SIDT2: variants seen among roughly 807,000 people sequenced by gnomAD.
The protein encoded by SIDT2 is SID1 transmembrane family member 2.
SIDT2 carries 68 observed loss-of-function variants against 114.4 expected under a neutral mutation model. That is an observed-to-expected ratio of 0.59 (90% CI 0.49 to 0.73). The LOEUF is 0.73. Among genes scored for constraint, SIDT2 ranks in the 30% least tolerant of loss-of-function variants. The pLI is 0.00. For missense variants in SIDT2, 918 were observed against 1,097.1 expected, an observed-to-expected ratio of 0.84 and a Z score of 2.31; for synonymous variants, 470 against 438.4, an observed-to-expected ratio of 1.07 and a Z score of -0.90.
intron 6 of SIDT2, among the ~76,000 whole-genome samples, chr11:117,183,109 C>T (rs577550931): frequency 4.6e-5 from 7 of 151,986 alleles, no homozygotes; most frequent in Non-Finnish European, 7.4e-5. Context: ...TTTGGGAGGC[C>T]GAGGTGGGCG....
intron 13 of SIDT2, 57 bp from the exon 14 acceptor site, chr11:117,189,112 G>A: frequency 3.2e-6 from 5 of 1,562,704 alleles, no homozygotes; most frequent in Non-Finnish European, 4.4e-6. Flanking sequence ...CTCTAACCTG[G>A]GGGAGGGGGC....
chr11:117,189,959 A>G lies in SIDT2; in HGVS notation c.1427A>G (p.Asn476Ser). 6.2e-7 allele frequency: 1 copy of G among 1,614,138 alleles called. No homozygotes were observed. The highest frequency in any genetic ancestry group is 8.5e-7 in the Non-Finnish European group (1 of 1,180,000). The change falls in exon 16 of 26, where the codon AAT (asparagine) becomes AGT (serine). Residue 476 changes from asparagine (N) to serine (S), a missense_variant. Asn to Ser is a conservative substitution (Grantham distance 46). Coordinates refer to ENST00000324225, the MANE Select transcript of SIDT2 (RefSeq NM_001040455.2). ...TCCCTGCTCCTGCTACAGGTGGTGA[A>G]TGTCACAGGGAATCAGGACATCTGC... ...QLVITYQTVV[N>S]VTGNQDICYY...
chr11:117,182,599 C>T lies in SIDT2; in HGVS notation c.597C>T (p.Val199=). 6.2e-7 allele frequency: 1 copy of T among 1,614,230 alleles called. No individual in the cohort carries two copies. ...CCAACAAGGCCTTCCCCTGCTCAGTCATCTCCATTCAGGATGTGCTGGTGA... is the reference window on the plus strand; with the variant it reads ...CCAACAAGGCCTTCCCCTGCTCAGTTATCTCCATTCAGGATGTGCTGGTGA... The part of the protein sequence containing the change: ...VTSNKAFPCS[V]ISIQDVLCPV... The change falls in exon 5 of 26, where the codon GTC becomes GTT. Residue 199 remains valine (V), a synonymous_variant. Coordinates refer to ENST00000324225, the MANE Select transcript of SIDT2 (RefSeq NM_001040455.2).
intron 4 of SIDT2, 51 bp downstream of exon 4, chr11:117,182,156 A>T (rs2030314022): frequency 6.2e-7 from 1 of 1,604,266 alleles, no homozygotes; most frequent in Non-Finnish European, 8.5e-7. Flanking sequence ...GAGCTTGAAT[A>T]TGAGAATGGG....
Position 117,192,395 on chromosome 11 carries a change from G to A in SIDT2, c.1981+33G>A, listed in dbSNP as rs933480133. ...CACGCCCGGGGCAGGGCCTGGGGGA[G>A]GGGTCTGGGGGGCCTTGGGAACCCG... On this transcript the variant is annotated intron_variant, in intron 20 of 25. Coordinates refer to ENST00000324225, the MANE Select transcript of SIDT2 (RefSeq NM_001040455.2). The surrounding 1 kb of genome is among the most constrained non-coding windows in gnomAD (Gnocchi z 5.9). 4.8e-6 allele frequency: 7 copies of A among 1,456,968 alleles called. No individual in the cohort carries two copies. The highest frequency in any genetic ancestry group is 6.7e-6 in the Non-Finnish European group (7 of 1,040,274). The allele number at this position is 1,456,968 out of a possible 1,614,324, so 90.3% of individuals were successfully genotyped here. A position where few individuals can be genotyped will look rare whatever the true frequency, so the allele number is the denominator to read the frequency against.
chr11:117,181,375 G>A (rs1228041955), intron 1 of SIDT2, 41 bp from the exon 2 acceptor site: 2 of 1,611,040 alleles, frequency 1.2e-6, no homozygotes, highest in African/African-American at 1.3e-5. Context: ...ACGTGTCCCT[G>A]GTGGCAGAGG....
chr11:117,180,621 C>CT (rs1181978013), intron 1 of SIDT2, among the ~76,000 whole-genome samples: 2 of 150,514 alleles, frequency 1.3e-5, no homozygotes, highest in African/African-American at 2.5e-5. Context: ...CTGCAACCTC[C>CT]GCCTTCCCGG....
At chr11:117,183,619 T>C (rs2030384140) in intron 6 of SIDT2, among the ~76,000 whole-genome samples, 160 bp from the exon 7 acceptor site, 1 of 149,346 alleles carries the variant, frequency 6.7e-6, no homozygotes, top group African/African-American at 2.5e-5. Flanking sequence ...GCCTAGGCAA[T>C]AGGAGTGAAA....
At position 117,192,660 on chromosome 11, in the gene SIDT2, T is replaced by C. The variant is rs2030747070; in HGVS notation, c.2058+10T>C. 8 of 1,612,860 alleles carry C rather than the reference T, an allele frequency of 5.0e-6. No individual in the cohort carries two copies. The highest frequency in any genetic ancestry group is 6.8e-6 in the Non-Finnish European group (8 of 1,179,998). On this transcript the variant is annotated intron_variant, in intron 21 of 25. Transcript: ENST00000324225. This position sits in a 1 kb window ranked among gnomAD's most constrained non-coding sequence, Gnocchi z 5.9. ...CGGGCCGCTCTACGTGGTACCTGCC[T>C]GGTTCCCCTGCTCCATTCTCCACAT...
intron 18 of SIDT2, 114 bp from the exon 19 acceptor site, chr11:117,191,764 T>G: frequency 7.0e-7 from 1 of 1,433,126 alleles, no homozygotes; most frequent in East Asian, 2.3e-5. Context: ...GCTCACACCA[T>G]GGCCGTGGTG....
At chr11:117,184,432 TG>T (rs1020142335) in intron 8 of SIDT2, among the ~76,000 whole-genome samples, 1 of 152,234 alleles carries the variant, frequency 6.6e-6, no homozygotes, top group African/African-American at 2.4e-5. Context: ...AATTTTGCTT[TG>T]TTAGCATAGT....
At position 117,178,949 on chromosome 11, in the gene SIDT2, CCTT is replaced by C. The variant is rs1330049523; in HGVS notation, c.-312_-310del. ...CAGGCTCCCGGCAACCAGCCGCCCT[CCTT>C]CTCACGGCCCTGGCCCGGGGCTCCA... On this transcript the variant is annotated 5_prime_UTR_variant, in exon 1 of 26. Coordinates refer to ENST00000324225, the MANE Select transcript of SIDT2 (RefSeq NM_001040455.2). The C allele has an allele frequency of 1.1e-5, 3 of 276,806 alleles. No homozygotes were observed. The highest frequency in any genetic ancestry group is 2.0e-5 in the Non-Finnish European group (3 of 147,076). 17.1% of individuals were successfully genotyped at this position (276,806 alleles called of 1,614,324 possible).
At chr11:117,182,130 G>C (rs34920574) in intron 4 of SIDT2, 25 bp downstream of exon 4, 1 of 1,613,072 alleles carries the variant, frequency 6.2e-7, no homozygotes, top group Non-Finnish European at 8.5e-7. Context: ...TTGATTGCTC[G>C]AGAGGAGAAA....
rs775649954 is a variant in SIDT2, at chr11:117,191,884, C to T, written c.1742C>T (p.Ser581Leu). The T allele has an allele frequency of 8.1e-6, 13 of 1,614,066 alleles. No individual in the cohort carries two copies. Among genetic ancestry groups the T allele is most frequent in the Non-Finnish European group, 4.2e-6 (5 of 1,179,992 alleles). The change falls in exon 19 of 26, where the codon TCG becomes TTG. Residue 581 changes from serine to leucine, a missense_variant. Ser to Leu is a moderately radical substitution (Grantham distance 145). Transcript: ENST00000324225. ...PNYTNFQFDT[S>L]FMYMIAGLCM... ...TCCGTGTCCCTCATCCTAGACACAT[C>T]GTTCATGTACATGATCGCCGGACTC...
At chr11:117,193,801 G>C (rs1052696939) in intron 23 of SIDT2, 52 bp from the exon 24 acceptor site, 13 of 1,355,414 alleles carry the variant, frequency 9.6e-6, no homozygotes, top group Non-Finnish European at 1.4e-5. Context: ...GGGACAGCGG[G>C]GTGGGACAGG....
Position 117,190,184 on chromosome 11 carries a change from C to T in SIDT2, c.1512C>T (p.Leu504=). 1 of 1,579,194 alleles carries T rather than the reference C, an allele frequency of 6.3e-7. No individual in the cohort carries two copies. Among genetic ancestry groups the T allele is most frequent in the East Asian group, 2.2e-5 (1 of 44,598 alleles). The part of the protein sequence containing the change: ...LGNLSAFNNI[L]SNLGYILLGL... Reference sequence around the variant, plus strand: ...CTTCTAGCGCCTTCAACAACATCCTCAGCAACCTGGGGTACATCCTGCTGG... The same window carrying T: ...CTTCTAGCGCCTTCAACAACATCCTTAGCAACCTGGGGTACATCCTGCTGG... The change falls in exon 17 of 26, where the codon CTC becomes CTT. Residue 504 remains leucine (L), a synonymous_variant. Coordinates refer to ENST00000324225, the MANE Select transcript of SIDT2 (RefSeq NM_001040455.2). The surrounding 1 kb of genome is among the most constrained non-coding windows in gnomAD (Gnocchi z 4.1).
chr11:117,196,009 G>A lies in SIDT2; in HGVS notation c.2442G>A (p.Leu814=). The A allele has an allele frequency of 6.2e-7, 1 of 1,614,264 alleles. No homozygotes were observed. Among genetic ancestry groups the A allele is most frequent in the Non-Finnish European group, 8.5e-7 (1 of 1,180,052 alleles). ...SIAMFGSFLV[L]LTLDDDLDTV... is the part of the protein sequence containing the mutation. ...ATCTGGCGTCCACACCCCAGGTGTTGCTGACACTGGATGACGACCTGGATA... is the reference window on the plus strand; with the variant it reads ...ATCTGGCGTCCACACCCCAGGTGTTACTGACACTGGATGACGACCTGGATA... Residue 814 remains leucine, a synonymous_variant, in exon 26 of 26, where the codon TTG becomes TTA. Coordinates refer to ENST00000324225, the MANE Select transcript of SIDT2 (RefSeq NM_001040455.2). This position sits in a 1 kb window ranked among gnomAD's most constrained non-coding sequence, Gnocchi z 4.9.
chr11:117,181,646 G>T (rs2030289800), intron 2 of SIDT2, 109 bp downstream of exon 2: 1 of 1,581,962 alleles, frequency 6.3e-7, no homozygotes, highest in African/African-American at 1.3e-5. Context: ...GGGCTGGGAG[G>T]CTGGTCAACA....
intron 10 of SIDT2, chr11:117,187,045 A>C (rs1427878846): frequency 2.1e-6 from 3 of 1,449,612 alleles, no homozygotes; most frequent in South Asian, 1.2e-5. Context: ...AGTCCAGAGT[A>C]GGGGAGGGAG....
Sources: allele counts gnomAD v4.1 joint callset (sites outside exome capture counted in the v4.1 genomes callset), GRCh38; gene constraint gnomAD v4.1.1; non-coding constraint Gnocchi (gnomAD v3.1); transcripts MANE v1.5; gene names NCBI Gene and HGNC (gene_info 2026-07-23, HGNC 2026-07-21).